Variants in ASIC2 observed in about 807,000 individuals in gnomAD.
ASIC2 encodes the protein acid-sensing ion channel 2.
In ASIC2, 25 loss-of-function variants were observed where a neutral mutation model predicts 57.3. The observed-to-expected ratio is 0.44, with a 90% confidence interval of 0.32 to 0.61. The LOEUF (loss-of-function observed/expected upper bound fraction) is 0.61. Among genes scored for constraint, ASIC2 ranks in the 20% least tolerant of loss-of-function variants. ASIC2 has a pLI of 0.06. For synonymous variants in ASIC2, 319 were observed against 307.5 expected, an observed-to-expected ratio of 1.04 and a Z score of -0.39; for missense variants, 641 against 738.1, an observed-to-expected ratio of 0.87 and a Z score of 1.52.
intron 1 of ASIC2, among the ~76,000 whole-genome samples, chr17:33,340,644 C>G (rs1907684841): frequency 6.6e-6 from 1 of 152,060 alleles, no homozygotes; most frequent in Non-Finnish European, 1.5e-5. Flanking sequence ...TGAAGGAGAA[C>G]TTTGAGTGTA....
intron 2 of ASIC2, among the ~76,000 whole-genome samples, chr17:33,105,725 A>T (rs900481630): frequency 6.6e-6 from 1 of 152,208 alleles, no homozygotes; most frequent in Non-Finnish European, 1.5e-5. Context: ...CTAGAGACTC[A>T]TCAAATGGCT....
chr17:33,665,842 T>C (rs1031952466), intron 1 of ASIC2, among the ~76,000 whole-genome samples: 1 of 152,142 alleles, frequency 6.6e-6, no homozygotes, highest in African/African-American at 2.4e-5. Context: ...ATTCTCCAAA[T>C]TGACTTTTGC....
chr17:33,933,861 G>C (rs998015390), intron 1 of ASIC2, among the ~76,000 whole-genome samples: 2 of 152,180 alleles, frequency 1.3e-5, no homozygotes, highest in African/African-American at 4.8e-5. Flanking sequence ...CACGAAACAG[G>C]CCTTAGAGCC....
At chr17:34,131,041 T>C (rs750186822) in intron 1 of ASIC2, among the ~76,000 whole-genome samples, 3 of 151,994 alleles carry the variant, frequency 2.0e-5, no homozygotes, top group African/African-American at 7.3e-5. Flanking sequence ...AAACCAATGC[T>C]AAGGGAGAGA....
intron 1 of ASIC2, among the ~76,000 whole-genome samples, chr17:34,099,955 G>C (rs979430878): frequency 6.6e-6 from 1 of 152,102 alleles, no homozygotes; most frequent in Non-Finnish European, 1.5e-5. Flanking sequence ...GGATTTTATT[G>C]GGAAAGCAAA....
intron 1 of ASIC2, among the ~76,000 whole-genome samples, chr17:34,076,313 A>G (rs7209231): frequency 0.17 from 25,508 of 151,924 alleles, 2,936 homozygotes; most frequent in African/African-American, 0.32. Flanking sequence ...CCCTCTTTCA[A>G]GTCTTTTGCT....
At chr17:33,766,398 A>G (rs1234474244) in intron 1 of ASIC2, among the ~76,000 whole-genome samples, 2 of 152,100 alleles carry the variant, frequency 1.3e-5, no homozygotes, top group Non-Finnish European at 2.9e-5. Context: ...AGCAGATCAC[A>G]CTCTCCAAGT....
At chr17:33,154,303 T>C (rs1391499058) in intron 1 of ASIC2, among the ~76,000 whole-genome samples, 2 of 152,208 alleles carry the variant, frequency 1.3e-5, no homozygotes, top group Non-Finnish European at 2.9e-5. Context: ...CTGCCTCAGC[T>C]TCTTGAGTAG....
chr17:34,121,987 T>C (rs951555166), intron 1 of ASIC2, among the ~76,000 whole-genome samples: 2 of 66,152 alleles, frequency 3.0e-5, no homozygotes, highest in Non-Finnish European at 5.7e-5. Flanking sequence ...AGTACATTTC[T>C]ACCAGGGCAC....
chr17:33,465,934 T>G (rs1427182016), intron 1 of ASIC2, among the ~76,000 whole-genome samples: 1 of 152,174 alleles, frequency 6.6e-6, no homozygotes, highest in Non-Finnish European at 1.5e-5. Context: ...AGGACCAGCT[T>G]GAGAAAGTTT....
intron 1 of ASIC2, among the ~76,000 whole-genome samples, chr17:33,807,296 T>C (rs1442309296): frequency 1.3e-5 from 2 of 152,208 alleles, no homozygotes; most frequent in African/African-American, 2.4e-5. Context: ...GTATTCTGTA[T>C]GGCTATAGGT....
chr17:34,095,943 T>G (rs1169922389), intron 1 of ASIC2, among the ~76,000 whole-genome samples: 1 of 151,960 alleles, frequency 6.6e-6, no homozygotes, highest in Non-Finnish European at 1.5e-5. Context: ...TGTATTACTA[T>G]ACTCATTTTA....
At chr17:34,130,076 A>T (rs1911905107) in intron 1 of ASIC2, among the ~76,000 whole-genome samples, 1 of 152,136 alleles carries the variant, frequency 6.6e-6, no homozygotes, top group Non-Finnish European at 1.5e-5. Flanking sequence ...ATTGCTCTGC[A>T]CTCTTCAGGC....
chr17:33,099,111 A>G (rs866472974), intron 2 of ASIC2, among the ~76,000 whole-genome samples: 3 of 151,864 alleles, frequency 2.0e-5, no homozygotes, highest in South Asian at 2.1e-4. Context: ...TCCTGCATCA[A>G]CTGCCCGAGT....
intron 1 of ASIC2, among the ~76,000 whole-genome samples, chr17:33,982,383 G>T (rs1338277732): frequency 6.6e-6 from 1 of 152,308 alleles, no homozygotes; most frequent in African/African-American, 2.4e-5. Context: ...TTCTTAATGG[G>T]CCTGGGGTCA....
chr17:33,932,713 C>CAAAAAAAAAA (rs869134623), intron 1 of ASIC2: 2 of 44,076 alleles, frequency 4.5e-5, no homozygotes, highest in African/African-American at 1.1e-4. Flanking sequence ...AACTTTGTTT[C>CAAAAAAAAAA]AAAAAAAAAA....
At chr17:33,751,259 G>A (rs1303692996) in intron 1 of ASIC2, among the ~76,000 whole-genome samples, 1 of 152,168 alleles carries the variant, frequency 6.6e-6, no homozygotes, top group African/African-American at 2.4e-5. Context: ...TACCTTGGCT[G>A]CATACAGATC....
At chr17:33,888,461 C>T (rs2141945294) in intron 1 of ASIC2, among the ~76,000 whole-genome samples, 1 of 152,238 alleles carries the variant, frequency 6.6e-6, no homozygotes, top group East Asian at 1.9e-4. Context: ...CCCTAACCTT[C>T]CCACTCTGTA....
At chr17:33,259,645 A>C (rs1189935740) in intron 1 of ASIC2, among the ~76,000 whole-genome samples, 4 of 152,070 alleles carry the variant, frequency 2.6e-5, no homozygotes, top group African/African-American at 9.7e-5. Flanking sequence ...CAGCCTGAAG[A>C]CTTGGTCATT....
Sources: gnomAD v4.1 joint callset for allele counts (sites outside exome capture counted in the v4.1 genomes callset) on GRCh38, gnomAD v4.1.1 for gene constraint, MANE v1.5 for transcripts, NCBI Gene and HGNC (gene_info 2026-07-23, HGNC 2026-07-21) for gene names.